Variants in NENF observed in about 807,000 individuals in gnomAD.
NENF encodes neudesin neurotrophic factor, also known as neudesin.
Under a neutral mutation model 14.8 loss-of-function variants are expected in NENF, and 6 were observed. The ratio of observed to expected loss-of-function variants is 0.40; its 90% CI spans 0.22 to 0.80. The LOEUF is 0.80. Among genes scored for constraint, NENF ranks in the 30% least tolerant of loss-of-function variants. The pLI, the probability that NENF is intolerant of heterozygous loss-of-function variation, is 0.34. For missense variants in NENF, 184 were observed against 212.7 expected, an observed-to-expected ratio of 0.87 and a Z score of 0.84; for synonymous variants, 76 against 95.1, an observed-to-expected ratio of 0.80 and a Z score of 1.17.
At chr1:212,438,176 A>C (rs1205491562) in intron 1 of NENF, among the ~76,000 whole-genome samples, 1 of 152,242 alleles carries the variant, frequency 6.6e-6, no homozygotes, top group Non-Finnish European at 1.5e-5. Context: ...AGTGTGTTCC[A>C]GAGTGCCTTT....
Position 212,433,219 on chromosome 1 carries a change from G to A in NENF, c.177+99G>A, listed in dbSNP as rs1662548481. 6.4e-6 allele frequency: 5 copies of A among 783,824 alleles called. No individual in the cohort carries two copies. Among genetic ancestry groups the A allele is most frequent in the African/African-American group, 1.9e-5 (1 of 53,756 alleles). 48.6% of individuals were successfully genotyped at this position (783,824 alleles called of 1,614,324 possible). ...AGGCGCCGGCGGCCCAGGAAGCTCT[G>A]GGGGACGCGCGGCCCGCGGCGGGCG... On this transcript the variant is annotated intron_variant, in intron 1 of 3. Coordinates refer to ENST00000366988, the MANE Select transcript of NENF (RefSeq NM_013349.5). This position sits in a 1 kb window ranked among gnomAD's most constrained non-coding sequence, Gnocchi z 5.5.
Position 212,433,185 on chromosome 1 carries a change from G to A in NENF, c.177+65G>A. ...GTCCGATCTGCGGCGAGCCGAGCGG[G>A]GACCCAGGAGGCGCCGGCGGCCCAG... On this transcript the variant is annotated intron_variant, in intron 1 of 3. Coordinates refer to ENST00000366988, the MANE Select transcript of NENF (RefSeq NM_013349.5). This position sits in a 1 kb window ranked among gnomAD's most constrained non-coding sequence, Gnocchi z 5.5. 9.6e-7 allele frequency: 1 copy of A among 1,043,780 alleles called. No homozygotes were observed. Among genetic ancestry groups the A allele is most frequent in the Admixed American group, 4.9e-5 (1 of 20,546 alleles). 64.7% of individuals were successfully genotyped at this position (1,043,780 alleles called of 1,614,324 possible).
At chr1:212,444,896 G>T (rs906172322) in intron 3 of NENF, among the ~76,000 whole-genome samples, 2 of 152,126 alleles carry the variant, frequency 1.3e-5, no homozygotes, top group Non-Finnish European at 2.9e-5. Context: ...CTTTGTGGAT[G>T]AACTGGGTTG....
intron 1 of NENF, among the ~76,000 whole-genome samples, chr1:212,440,121 G>A (rs548929417): frequency 5.3e-5 from 8 of 149,762 alleles, no homozygotes; most frequent in Admixed American, 2.7e-4. Context: ...GTATGGTGGC[G>A]TGTGCCTGTA....
At chr1:212,434,528 C>T (rs1426501756) in intron 1 of NENF, among the ~76,000 whole-genome samples, 1 of 152,186 alleles carries the variant, frequency 6.6e-6, no homozygotes, top group African/African-American at 2.4e-5. Flanking sequence ...GAATGTTCTG[C>T]CAGAAGAATG....
At chr1:212,445,489 A>C (rs1247935730) in intron 3 of NENF, among the ~76,000 whole-genome samples, 1 of 152,004 alleles carries the variant, frequency 6.6e-6, no homozygotes, top group Non-Finnish European at 1.5e-5. Flanking sequence ...TAATGGGAGC[A>C]GTGTAGAGAG....
chr1:212,436,607 C>A (rs946273527), intron 1 of NENF, among the ~76,000 whole-genome samples: 1 of 152,162 alleles, frequency 6.6e-6, no homozygotes, highest in Non-Finnish European at 1.5e-5. Flanking sequence ...TGTACCCAGC[C>A]TTGTTAAGGT....
intron 1 of NENF, among the ~76,000 whole-genome samples, chr1:212,441,503 C>T (rs944054945): frequency 3.3e-5 from 5 of 151,468 alleles, no homozygotes; most frequent in African/African-American, 4.8e-5. Flanking sequence ...TGGGGCCCTA[C>T]GCCGGGCATG....
rs1662547355 is a variant in NENF at position 212,433,159 on chromosome 1, C to T, written c.177+39C>T. 1 of 1,123,546 alleles carries T rather than the reference C, an allele frequency of 8.9e-7. No individual in the cohort carries two copies. The highest frequency in any genetic ancestry group is 1.6e-5 in the African/African-American group (1 of 60,930). 69.6% of individuals were successfully genotyped at this position (1,123,546 alleles called of 1,614,324 possible). A position where few individuals can be genotyped will look rare whatever the true frequency, so the allele number is the denominator to read the frequency against. ...TCGCGGGCCGAGGGACCCGGGGTGG[C>T]GTCCGATCTGCGGCGAGCCGAGCGG... is the stretch of plus-strand genomic sequence containing the variant. On this transcript the variant is annotated intron_variant, in intron 1 of 3. Coordinates refer to ENST00000366988, the MANE Select transcript of NENF (RefSeq NM_013349.5). The surrounding 1 kb of genome is among the most constrained non-coding windows in gnomAD (Gnocchi z 5.5).
At chr1:212,441,055 C>T (rs747457453) in intron 1 of NENF, among the ~76,000 whole-genome samples, 16 of 152,088 alleles carry the variant, frequency 1.1e-4, no homozygotes, top group Non-Finnish European at 1.9e-4. Flanking sequence ...CTAGAAAAGT[C>T]ATGCCATCCT....
chr1:212,435,169 T>A (rs1183143931), intron 1 of NENF: 1 of 152,206 alleles, frequency 6.6e-6, no homozygotes, highest in Non-Finnish European at 1.5e-5. Context: ...GCTGTGTGAT[T>A]TGGGGCAAAT....
At chr1:212,435,968 G>GC (rs2102566743) in intron 1 of NENF, among the ~76,000 whole-genome samples, 1 of 152,252 alleles carries the variant, frequency 6.6e-6, no homozygotes, top group Admixed American at 6.5e-5. Flanking sequence ...ACAAAAGAAA[G>GC]TGTTACTAAG....
intron 3 of NENF, 55 bp from the exon 4 acceptor site, chr1:212,445,775 C>T: frequency 1.3e-6 from 2 of 1,589,890 alleles, no homozygotes; most frequent in Non-Finnish European, 1.7e-6. Context: ...AGGCCAGTGC[C>T]AAACACTATC....
intron 1 of NENF, among the ~76,000 whole-genome samples, chr1:212,434,262 A>C (rs1662570122): frequency 6.6e-6 from 1 of 152,156 alleles, no homozygotes; most frequent in Admixed American, 6.6e-5. Flanking sequence ...TTCAGAGTCC[A>C]GGCATCCGTG....
intron 1 of NENF, among the ~76,000 whole-genome samples, chr1:212,439,235 G>A (rs1662660093): frequency 1.3e-5 from 2 of 151,978 alleles, no homozygotes; most frequent in African/African-American, 2.4e-5. Context: ...AAATTTTACT[G>A]TTAAAAAAAG....
intron 1 of NENF, among the ~76,000 whole-genome samples, chr1:212,442,164 A>T (rs1662709358): frequency 6.6e-6 from 1 of 152,216 alleles, no homozygotes; most frequent in Non-Finnish European, 1.5e-5. Flanking sequence ...GGCATGTGCC[A>T]CCATGCCCGG....
intron 1 of NENF, among the ~76,000 whole-genome samples, chr1:212,440,086 T>A (rs11119939): frequency 0.015 from 2,231 of 151,678 alleles, 63 homozygotes; most frequent in African/African-American, 0.051. Context: ...ACCCTGTCTC[T>A]GCTAAAAATA....
Position 212,442,656 on chromosome 1 carries a change from TC to T in NENF, c.238+33del, listed in dbSNP as rs747364580. Reference sequence around the variant, plus strand: ...TGGTGTGGCATTTTGAATCTTCATTTCCAGGGAGCACAGAAGCCAGAGTGAG... The same window carrying T: ...TGGTGTGGCATTTTGAATCTTCATTTCAGGGAGCACAGAAGCCAGAGTGAG... On this transcript the variant is annotated intron_variant, in intron 2 of 3. Transcript: ENST00000366988. 1.9e-6 allele frequency: 3 copies of T among 1,572,376 alleles called. No homozygotes were observed. The South Asian group carries it at 3.3e-5, about 17-fold the overall frequency.
At chr1:212,436,113 A>G (rs1160570366) in intron 1 of NENF, among the ~76,000 whole-genome samples, 1 of 152,184 alleles carries the variant, frequency 6.6e-6, no homozygotes, top group Non-Finnish European at 1.5e-5. Context: ...AAACCCACAT[A>G]TAAGTGGACC....
Sources: allele counts gnomAD v4.1 joint callset (sites outside exome capture counted in the v4.1 genomes callset), GRCh38; gene constraint gnomAD v4.1.1; non-coding constraint Gnocchi (gnomAD v3.1); transcripts MANE v1.5; gene names NCBI Gene and HGNC (gene_info 2026-07-23, HGNC 2026-07-21).